Variants in ZNF618 observed in about 807,000 individuals in gnomAD.
The protein encoded by ZNF618 is neural precursor cell expressed, developmentally down-regulated 10.
In ZNF618, 34 loss-of-function variants were observed where a neutral mutation model predicts 103.0. That is an observed-to-expected ratio of 0.33 (90% confidence interval 0.25 to 0.44). The LOEUF (loss-of-function observed/expected upper bound fraction) is 0.44, where lower values mean the gene tolerates loss of function less well. ZNF618 is among the 20% of genes least tolerant of loss of function. The probability of loss-of-function intolerance (pLI) is 1.00; values close to 1 mark genes in which losing one functional copy is unlikely to be tolerated. For synonymous variants in ZNF618, 551 were observed against 542.2 expected (o/e 1.02, Z -0.23); for missense variants, 1,059 against 1,295.4 (o/e 0.82, Z 2.80).
chr9:114,002,138 C>T, intron 5 of ZNF618, 65 bp downstream of exon 5: 2 of 1,490,956 alleles, frequency 1.3e-6, no homozygotes, highest in Non-Finnish European at 1.9e-6. Flanking sequence ...CTGTTTCCCA[C>T]TTGGGCCCCT....
At chr9:113,960,788 G>A (rs188788007) in intron 1 of ZNF618, among the ~76,000 whole-genome samples, 3 of 152,326 alleles carry the variant, frequency 2.0e-5, no homozygotes, top group East Asian at 1.9e-4. Flanking sequence ...CCACTCTGCA[G>A]CAAATGAAAA....
rs1338726991 is a variant in ZNF618 at position 114,008,591 on chromosome 9, G to T, written c.754+37G>T. The T allele has an allele frequency of 6.8e-6, 11 of 1,610,450 alleles. No homozygotes were observed. The Admixed American group carries it at 1.8e-4, about 27-fold the overall frequency. On this transcript the variant is annotated intron_variant, in intron 9 of 14. Coordinates refer to ENST00000374126, the MANE Select transcript of ZNF618 (RefSeq NM_001318042.2). ...TCCCTCTGGGGCCAAGGGCTGGGTG[G>T]GGGCTGGCCAAGGGAGGCAGGGCTC...
Position 113,986,669 on chromosome 9 carries a change from C to A in ZNF618, c.78-1652C>A, listed in dbSNP as rs998666450. On this transcript the variant is annotated intron_variant, in intron 2 of 14. Transcript: ENST00000374126. ...AACCACACTTAACCTCCCAAAGACC[C>A]TTTCTTCAGATCCAGTCACACTGGG... Among the ~76,000 whole-genome samples, 9 of 152,182 alleles carry A rather than the reference C, an allele frequency of 5.9e-5. No individual in the cohort carries two copies. The South Asian group carries it at 1.2e-3, about 21-fold the overall frequency.
chr9:113,977,096 T>C (rs1838546876), intron 2 of ZNF618, among the ~76,000 whole-genome samples: 1 of 152,124 alleles, frequency 6.6e-6, no homozygotes. Context: ...GGGCAAGAGC[T>C]GGTTGGTTGT....
intron 4 of ZNF618, among the ~76,000 whole-genome samples, chr9:114,000,715 G>A (rs1841110089): frequency 1.3e-5 from 2 of 152,206 alleles, no homozygotes; most frequent in Admixed American, 1.3e-4. Flanking sequence ...GACAAAGGGA[G>A]TAGGAGTTAA....
chr9:114,028,548 CAG>C, intron 10 of ZNF618, 183 bp from the exon 11 acceptor site: 1 of 904,940 alleles, frequency 1.1e-6, no homozygotes, highest in Non-Finnish European at 1.6e-6. Flanking sequence ...CGTGAGCTGA[CAG>C]AAGGTTCCAG....
chr9:114,023,910 A>G (rs1843277543), intron 10 of ZNF618, among the ~76,000 whole-genome samples: 1 of 152,126 alleles, frequency 6.6e-6, no homozygotes, highest in South Asian at 2.1e-4. Context: ...TAGCAATTTC[A>G]TTATTTGTGT....
intron 1 of ZNF618, among the ~76,000 whole-genome samples, chr9:113,906,785 T>C (rs767097667): frequency 1.3e-5 from 2 of 152,172 alleles, no homozygotes; most frequent in African/African-American, 4.8e-5. Flanking sequence ...TGACAGAAAC[T>C]CATCTCAAAC....
At chr9:113,965,981 C>T (rs1837370446) in intron 1 of ZNF618, among the ~76,000 whole-genome samples, 1 of 152,164 alleles carries the variant, frequency 6.6e-6, no homozygotes, top group Non-Finnish European at 1.5e-5. Context: ...CGGGGAAGGC[C>T]TTGAGGCAGA....
chr9:114,029,868 T>C (rs1052836911), intron 11 of ZNF618, among the ~76,000 whole-genome samples: 1 of 152,194 alleles, frequency 6.6e-6, no homozygotes, highest in Non-Finnish European at 1.5e-5. Context: ...CGAGAAGTTA[T>C]TTCCTCCAGA....
At chr9:114,012,119 A>G (rs7041524) in intron 9 of ZNF618, among the ~76,000 whole-genome samples, 44,362 of 151,964 alleles carry the variant, frequency 0.29, 7,924 homozygotes, top group East Asian at 0.61. Context: ...ATGATCTACC[A>G]CAAAATCTAG....
At chr9:114,032,437 G>A (rs1844165239) in intron 11 of ZNF618, among the ~76,000 whole-genome samples, 1 of 151,976 alleles carries the variant, frequency 6.6e-6, no homozygotes, top group Non-Finnish European at 1.5e-5. Context: ...TGGGCCTCCT[G>A]GGCCCTGCCA....
rs1827934735 is a variant in ZNF618 at position 113,876,433 on chromosome 9, G to T, written c.33+20G>T. ...CCGCAGGTACGACGGGGGGCCGGGG[G>T]CATGCACCGCGCGGGGGACCCCGGG... On this transcript the variant is annotated intron_variant, in intron 1 of 14. Transcript: ENST00000374126. The T allele has an allele frequency of 8.3e-7, 1 of 1,201,612 alleles. No homozygotes were observed. Among genetic ancestry groups the T allele is most frequent in the East Asian group, 3.4e-5 (1 of 29,222 alleles). The allele number at this position is 1,201,612 out of a possible 1,614,324, so 74.4% of individuals were successfully genotyped here.
At position 113,900,374 on chromosome 9, in the gene ZNF618, C is replaced by T. The variant is rs548006992; in HGVS notation, c.33+23961C>T. The stretch of plus-strand genomic sequence containing the variant: ...ACCATGCCTGGCCGACAAACTGCCA[C>T]TTTTAAATGCGATTAACCCTAACAG... On this transcript the variant is annotated intron_variant, in intron 1 of 14. Coordinates refer to ENST00000374126, the MANE Select transcript of ZNF618 (RefSeq NM_001318042.2). Among the ~76,000 whole-genome samples the T allele has an allele frequency of 6.6e-5, 10 of 152,278 alleles. No homozygotes were observed. The South Asian group carries it at 1.9e-3, about 28-fold the overall frequency.
chr9:114,016,122 T>C (rs369437989), intron 9 of ZNF618: 59 of 1,612,106 alleles, frequency 3.7e-5, no homozygotes, highest in Non-Finnish European at 4.6e-5. Flanking sequence ...GTGAACAATA[T>C]TACATCAGAC....
At position 113,998,283 on chromosome 9, in the gene ZNF618, C is replaced by G; in HGVS notation, c.362C>G (p.Pro121Arg). Residue 121 changes from proline (P) to arginine (R), a missense_variant, in exon 4 of 15, where the codon CCC becomes CGC. By Grantham distance (103) the Pro-to-Arg change is moderately radical. Transcript: ENST00000374126. ...TLDGKAPEGS[P>R]HGGSVRSRYS... is the part of the protein sequence containing the mutation. Reference sequence around the variant, plus strand: ...GATGGAAAAGCGCCCGAAGGCAGCCCCCACGGTGGATCTGTGCGAAGCCGG... The same window carrying G: ...GATGGAAAAGCGCCCGAAGGCAGCCGCCACGGTGGATCTGTGCGAAGCCGG... 1 of 1,550,608 alleles carries G rather than the reference C, an allele frequency of 6.4e-7. No homozygotes were observed. The highest frequency in any genetic ancestry group is 8.7e-7 in the Non-Finnish European group (1 of 1,147,002).
intron 12 of ZNF618, among the ~76,000 whole-genome samples, chr9:114,035,615 C>G (rs115349619): frequency 1.2e-5 from 1 of 83,682 alleles, no homozygotes; most frequent in Non-Finnish European, 2.5e-5. Flanking sequence ...TTCTGTCCTT[C>G]TCCCTCTTCC....
rs538185536 is a variant in ZNF618 at position 113,883,102 on chromosome 9, T to G, written c.33+6689T>G. On this transcript the variant is annotated intron_variant, in intron 1 of 14. Transcript: ENST00000374126. ...GATGACTTCATTTGATTTTTGGAAA[T>G]AGCTCAGATCAGTGGGCTTTGGGTC... 2.0e-5 allele frequency among the ~76,000 whole-genome samples: 3 copies of G among 152,350 alleles called. No homozygotes were observed. In the South Asian group the frequency reaches 6.2e-4, roughly 32 times the overall value.
chr9:113,954,411 T>C (rs1334355348), intron 1 of ZNF618, among the ~76,000 whole-genome samples: 1 of 152,196 alleles, frequency 6.6e-6, no homozygotes, highest in Non-Finnish European at 1.5e-5. Context: ...GCTAGAAGGA[T>C]ACCCAAGCAA....
Sources: allele counts gnomAD v4.1 joint callset (sites outside exome capture counted in the v4.1 genomes callset), GRCh38; gene constraint gnomAD v4.1.1; transcripts MANE v1.5; gene names NCBI Gene and HGNC (gene_info 2026-07-23, HGNC 2026-07-21).